BMP7: variants seen among roughly 807,000 people sequenced by gnomAD.
The protein encoded by BMP7 is osteogenic protein 1.
Under a neutral mutation model 41.2 loss-of-function variants are expected in BMP7, and 12 were observed. That is an observed-to-expected ratio of 0.29 (90% CI 0.19 to 0.47). The LOEUF is 0.47. Ranked by LOEUF, BMP7 falls within the 20% of genes least tolerant of loss-of-function variation. The probability of loss-of-function intolerance (pLI) is 0.99; values close to 1 mark genes in which losing one functional copy is unlikely to be tolerated. For missense variants in BMP7, 467 were observed against 606.0 expected, an observed-to-expected ratio of 0.77 and a Z score of 2.41; for synonymous variants, 248 against 250.0, an observed-to-expected ratio of 0.99 and a Z score of 0.07.
At position 57,180,250 on chromosome 20, in the gene BMP7, AGACGT is replaced by A. The variant is rs1600728742; in HGVS notation, c.958+3467_958+3471del. On this transcript the variant is annotated intron_variant, in intron 4 of 6. Transcript: ENST00000395863. ...ATGCTTGGCATGAAGTTCAAACTCA[AGACGT>A]GACTCCCAAGAGAATGCCTGACCCG... Among the ~76,000 whole-genome samples, 3 of 152,190 alleles carry A rather than the reference AGACGT, an allele frequency of 2.0e-5. No homozygotes were observed. The East Asian group carries it at 5.8e-4, about 29-fold the overall frequency.
intron 3 of BMP7, among the ~76,000 whole-genome samples, chr20:57,191,999 A>G (rs1220379830): frequency 6.4e-5 from 8 of 125,966 alleles, no homozygotes; most frequent in African/African-American, 2.6e-4. Flanking sequence ...ATATTATTGT[A>G]TATGTAATAT....
chr20:57,251,554 T>C (rs2066113737), intron 1 of BMP7, among the ~76,000 whole-genome samples: 2 of 152,094 alleles, frequency 1.3e-5, no homozygotes, highest in Non-Finnish European at 2.9e-5. Flanking sequence ...TTTCGCAGAC[T>C]CAGAGGAGCT....
intron 1 of BMP7, among the ~76,000 whole-genome samples, chr20:57,243,063 C>G (rs1043184913): frequency 1.3e-5 from 2 of 152,186 alleles, no homozygotes; most frequent in East Asian, 1.9e-4. Context: ...AGTGGACAGC[C>G]CAGATCACAG....
chr20:57,219,768 A>T (rs1472177555), intron 2 of BMP7, among the ~76,000 whole-genome samples: 1 of 152,186 alleles, frequency 6.6e-6, no homozygotes, highest in Non-Finnish European at 1.5e-5. Context: ...TGCTCTGCGC[A>T]GCACCGCTCC....
In BMP7 at chr20:57,174,454, G is replaced by A. The variant is rs1983876526; in HGVS notation, c.1035+477C>T. On this transcript the variant is annotated intron_variant, in intron 5 of 6. Transcript: ENST00000395863. This position sits in a 1 kb window ranked among gnomAD's most constrained non-coding sequence, Gnocchi z 4.3. Reference sequence around the variant, plus strand: ...ACTCCATGCAAATGGCTCCAGAGGGGGCAGCCATGTGCCAGTAACATGACC... The same window carrying A: ...ACTCCATGCAAATGGCTCCAGAGGGAGCAGCCATGTGCCAGTAACATGACC... 1.3e-5 allele frequency among the ~76,000 whole-genome samples: 2 copies of A among 152,110 alleles called. No individual in the cohort carries two copies. The highest frequency in any genetic ancestry group is 6.5e-5 in the Admixed American group (1 of 15,278).
Position 57,218,755 on chromosome 20 carries a change from G to A in BMP7, c.611+9474C>T, listed in dbSNP as rs548693470. The stretch of plus-strand genomic sequence containing the variant: ...GTTCGGTGGTAGCTGGCATTTGTTC[G>A]GTGGTAGCTGGTGTTTGTTTGGTGG... On this transcript the variant is annotated intron_variant, in intron 2 of 6. Coordinates refer to ENST00000395863, the MANE Select transcript of BMP7 (RefSeq NM_001719.3). Among the ~76,000 whole-genome samples, 83 of 150,452 alleles carry A rather than the reference G, an allele frequency of 5.5e-4. No individual in the cohort carries two copies. The South Asian group carries it at 0.013, about 23-fold the overall frequency.
chr20:57,199,544 C>A (rs977244492), intron 3 of BMP7, among the ~76,000 whole-genome samples: 1 of 152,194 alleles, frequency 6.6e-6, no homozygotes, highest in South Asian at 2.1e-4. Context: ...CCTCTGAGAT[C>A]CCCCACGGTG....
chr20:57,227,665 T>C (rs1317060692), intron 2 of BMP7, among the ~76,000 whole-genome samples: 1 of 152,222 alleles, frequency 6.6e-6, no homozygotes, highest in African/African-American at 2.4e-5. Flanking sequence ...ACCTGCTAAA[T>C]GTCCCAGCCC....
rs571299908 is a variant in BMP7, at chr20:57,174,369, G to A, written c.1035+562C>T. Among the ~76,000 whole-genome samples the A allele has an allele frequency of 3.9e-5, 6 of 152,284 alleles. No individual in the cohort carries two copies. The highest frequency in any genetic ancestry group is 1.4e-4 in the African/African-American group (6 of 41,568). On this transcript the variant is annotated intron_variant, in intron 5 of 6. Coordinates refer to ENST00000395863, the MANE Select transcript of BMP7 (RefSeq NM_001719.3). This position sits in a 1 kb window ranked among gnomAD's most constrained non-coding sequence, Gnocchi z 4.3. Reference sequence around the variant, plus strand: ...GAATGAGAATCACACCAGAGCTCACGGCAGGTGGATCACATGACCCTCACT... The same window carrying A: ...GAATGAGAATCACACCAGAGCTCACAGCAGGTGGATCACATGACCCTCACT...
rs1985260147 is a variant in BMP7, at chr20:57,224,386, AG to A, written c.611+3842del. Reference sequence around the variant, plus strand: ...CTGCCCTGGCTGGCCTTGGCCTCCCAGGGAGGTTCTCAGAGGCCAGCTCCCA... The same window carrying A: ...CTGCCCTGGCTGGCCTTGGCCTCCCAGGAGGTTCTCAGAGGCCAGCTCCCA... On this transcript the variant is annotated intron_variant, in intron 2 of 6. Coordinates refer to ENST00000395863, the MANE Select transcript of BMP7 (RefSeq NM_001719.3). The surrounding 1 kb of genome is among the most constrained non-coding windows in gnomAD (Gnocchi z 4.8). 6.6e-6 allele frequency among the ~76,000 whole-genome samples: 1 copy of A among 152,160 alleles called. No homozygotes were observed. The highest frequency in any genetic ancestry group is 1.5e-5 in the Non-Finnish European group (1 of 68,014).
chr20:57,178,604 G>A (rs1348009583), intron 4 of BMP7, among the ~76,000 whole-genome samples: 1 of 152,076 alleles, frequency 6.6e-6, no homozygotes, highest in African/African-American at 2.4e-5. Flanking sequence ...TAGAGCACAC[G>A]ATGCCAAGCA....
chr20:57,169,709 A>T lies in BMP7; in HGVS notation c.*1250T>A, dbSNP rs1191418233. Reference sequence around the variant, plus strand: ...CAGAGGGTCCACTGGGGCGATGTGCAGTGCTCCTGCTCACCCCACTCCCGT... The same window carrying T: ...CAGAGGGTCCACTGGGGCGATGTGCTGTGCTCCTGCTCACCCCACTCCCGT... On this transcript the variant is annotated 3_prime_UTR_variant, in exon 7 of 7. Coordinates refer to ENST00000395863, the MANE Select transcript of BMP7 (RefSeq NM_001719.3). 6.6e-6 allele frequency: 1 copy of T among 152,112 alleles called. No individual in the cohort carries two copies. The highest frequency in any genetic ancestry group is 2.4e-5 in the African/African-American group (1 of 41,426). The allele number at this position is 152,112 out of a possible 1,614,324, so 9.4% of individuals were successfully genotyped here. A position where few individuals can be genotyped will look rare whatever the true frequency, so the allele number is the denominator to read the frequency against.
At position 57,228,089 on chromosome 20, in the gene BMP7, C is replaced by T; in HGVS notation, c.611+140G>A. ...TTAAGGAAGTGACATACACCATACA[C>T]CTTCTTTAGAAGGGATAATCTGGTA... On this transcript the variant is annotated intron_variant, in intron 2 of 6. Transcript: ENST00000395863. This position sits in a 1 kb window ranked among gnomAD's most constrained non-coding sequence, Gnocchi z 4.5. The T allele has an allele frequency of 1.0e-6, 1 of 976,916 alleles. No individual in the cohort carries two copies. Among genetic ancestry groups the T allele is most frequent in the South Asian group, 1.3e-5 (1 of 76,600 alleles). 60.5% of individuals were successfully genotyped at this position (976,916 alleles called of 1,614,324 possible).
chr20:57,238,391 C>T (rs143978965), intron 1 of BMP7, among the ~76,000 whole-genome samples: 51 of 152,224 alleles, frequency 3.4e-4, no homozygotes, highest in African/African-American at 1.1e-3. Context: ...TTTGTGATTG[C>T]GAGTAATGCT....
At chr20:57,236,763 T>TA (rs36018016) in intron 1 of BMP7, among the ~76,000 whole-genome samples, 28,295 of 141,720 alleles carry the variant, frequency 0.2, 2,873 homozygotes, top group East Asian at 0.34. Flanking sequence ...CAGCCATGCA[T>TA]AAAAAAAAAA....
chr20:57,177,915 G>GTCATACTTCT (rs1983970776), intron 4 of BMP7: 1 of 152,220 alleles, frequency 6.6e-6, no homozygotes, highest in Non-Finnish European at 1.5e-5. Context: ...GCTGCTTCCT[G>GTCATACTTCT]GTGTGCAGGC....
Position 57,259,788 on chromosome 20 carries a change from G to A in BMP7, c.418+5917C>T, listed in dbSNP as rs755626064. Among the ~76,000 whole-genome samples, 7 of 151,900 alleles carry A rather than the reference G, an allele frequency of 4.6e-5. No homozygotes were observed. Among genetic ancestry groups the A allele is most frequent in the Non-Finnish European group, 7.4e-5 (5 of 67,994 alleles). ...AATCATAAACACTCTACTTTGGAGC[G>A]GAAAAAAATACACAGCAGCAGTCCT... is the stretch of plus-strand genomic sequence containing the variant. On this transcript the variant is annotated intron_variant, in intron 1 of 6. Coordinates refer to ENST00000395863, the MANE Select transcript of BMP7 (RefSeq NM_001719.3). The surrounding 1 kb of genome is among the most constrained non-coding windows in gnomAD (Gnocchi z 4.7).
intron 1 of BMP7, among the ~76,000 whole-genome samples, chr20:57,232,191 C>T (rs1484559712): frequency 2.0e-5 from 3 of 152,166 alleles, no homozygotes; most frequent in South Asian, 4.1e-4. Context: ...CTACTTAATC[C>T]CTGTGTGTTC....
chr20:57,212,216 C>T (rs1253960662), intron 2 of BMP7, among the ~76,000 whole-genome samples: 1 of 152,212 alleles, frequency 6.6e-6, no homozygotes, highest in East Asian at 1.9e-4. Flanking sequence ...TTTATAGAAA[C>T]ATCTCCCGAA....
Sources: gnomAD v4.1 joint callset for allele counts (sites outside exome capture counted in the v4.1 genomes callset) on GRCh38, gnomAD v4.1.1 for gene constraint, Gnocchi (gnomAD v3.1) non-coding constraint, MANE v1.5 for transcripts, NCBI Gene and HGNC (gene_info 2026-07-23, HGNC 2026-07-21) for gene names.